The following ESR1 variants were observed in gnomAD, a reference collection of about 807,000 sequenced individuals.
ESR1 encodes estrogen receptor 1.
ESR1 carries 12 observed loss-of-function variants against 52.7 expected under a neutral mutation model. The observed-to-expected ratio is 0.23, with a 90% CI of 0.15 to 0.37. The LOEUF is 0.37. Ranked by LOEUF, ESR1 falls within the 10% of genes least tolerant of loss-of-function variation. The pLI is 1.00. For synonymous variants in ESR1, 305 were observed against 316.8 expected, an observed-to-expected ratio of 0.96 and a Z score of 0.39; for missense variants, 584 against 779.7, an observed-to-expected ratio of 0.75 and a Z score of 2.99.
At position 152,102,983 on chromosome 6, in the gene ESR1, T is replaced by G. The variant is rs1390857759; in HGVS notation, c.*4017T>G. The G allele has an allele frequency of 9.0e-6, 2 of 221,822 alleles. No homozygotes were observed. The highest frequency in any genetic ancestry group is 1.8e-5 in the Non-Finnish European group (2 of 110,678). 13.7% of individuals were successfully genotyped at this position (221,822 alleles called of 1,614,324 possible). A position where few individuals can be genotyped will look rare whatever the true frequency, so the allele number is the denominator to read the frequency against. ...ATAAGTGACATTATGCCAGTTTCTGTTCTCTCACAGGTGATAAACAATGCT... is the reference window on the plus strand; with the variant it reads ...ATAAGTGACATTATGCCAGTTTCTGGTCTCTCACAGGTGATAAACAATGCT... On this transcript the variant is annotated 3_prime_UTR_variant, in exon 8 of 8. Coordinates refer to ENST00000206249, the MANE Select transcript of ESR1 (RefSeq NM_000125.4).
chr6:151,753,105 G>T (rs1784020011), intron 2 of ESR1, among the ~76,000 whole-genome samples: 1 of 152,086 alleles, frequency 6.6e-6, no homozygotes, highest in Non-Finnish European at 1.5e-5. Flanking sequence ...TACACTGCTA[G>T]CCTGGTAACA....
chr6:152,015,310 C>T (rs1421615906), intron 5 of ESR1, among the ~76,000 whole-genome samples: 1 of 152,122 alleles, frequency 6.6e-6, no homozygotes, highest in Non-Finnish European at 1.5e-5. Flanking sequence ...TTTCAGGTGC[C>T]GTCTTTTTAT....
chr6:152,074,933 G>A (rs1472961933), intron 6 of ESR1, among the ~76,000 whole-genome samples: 4 of 152,126 alleles, frequency 2.6e-5, no homozygotes, highest in Non-Finnish European at 4.4e-5. Flanking sequence ...TTTTAATCAG[G>A]TTGTTTGCGT....
chr6:151,836,075 A>G (rs1047188021), intron 1 of ESR1, among the ~76,000 whole-genome samples: 3 of 152,178 alleles, frequency 2.0e-5, no homozygotes, highest in Admixed American at 6.6e-5. Context: ...TAGTAATTCA[A>G]ATGTGGAGTA....
intron 2 of ESR1, among the ~76,000 whole-genome samples, chr6:151,720,552 T>C (rs938580292): frequency 6.6e-6 from 1 of 152,234 alleles, no homozygotes; most frequent in African/African-American, 2.4e-5. Flanking sequence ...CATTAAAGCC[T>C]TTGGGAAATT....
intron 1 of ESR1, among the ~76,000 whole-genome samples, chr6:151,828,681 A>G (rs146717115): frequency 6.6e-6 from 1 of 152,122 alleles, no homozygotes; most frequent in African/African-American, 2.4e-5. Context: ...GCATGTCCAG[A>G]CTCCAAAACT....
intron 5 of ESR1, among the ~76,000 whole-genome samples, chr6:152,033,780 C>T (rs914374946): frequency 2.2e-4 from 34 of 152,094 alleles, no homozygotes; most frequent in African/African-American, 7.5e-4. Context: ...TTGACCCAGC[C>T]ATCCCATTAC....
intron 6 of ESR1, among the ~76,000 whole-genome samples, chr6:152,075,708 A>C (rs2048685614): frequency 6.6e-6 from 1 of 152,246 alleles, no homozygotes; most frequent in South Asian, 2.1e-4. Context: ...TATGACTCTC[A>C]TTTATTAGTG....
At chr6:152,028,105 T>C (rs927085514) in intron 5 of ESR1, among the ~76,000 whole-genome samples, 1 of 152,054 alleles carries the variant, frequency 6.6e-6, no homozygotes, top group African/African-American at 2.4e-5. Flanking sequence ...GATCACGCCA[T>C]TGCACTCCAG....
rs544845341 is a variant in ESR1 at position 152,123,074 on chromosome 6, C to T, written c.851-2192C>T. ...ATTTTTGTTTTAAGAATATCATGAA[C>T]ATTGTTAAGCAAAATTAGTTGCTGT... is the stretch of plus-strand genomic sequence containing the variant. On this transcript the variant is annotated intron_variant, in intron 6 of 6. Transcript: ENST00000427531. 5.3e-5 allele frequency among the ~76,000 whole-genome samples: 8 copies of T among 152,270 alleles called. No homozygotes were observed. The East Asian group carries it at 1.5e-3, about 29-fold the overall frequency.
At chr6:151,702,326 TA>T (rs1779860239) in intron 2 of ESR1, among the ~76,000 whole-genome samples, 1 of 152,212 alleles carries the variant, frequency 6.6e-6, no homozygotes, top group African/African-American at 2.4e-5. Flanking sequence ...CCACTCTAAG[TA>T]GGGAAAATCC....
intron 2 of ESR1, among the ~76,000 whole-genome samples, chr6:151,725,213 G>A (rs537977676): frequency 1.8e-4 from 28 of 152,166 alleles, no homozygotes; most frequent in Admixed American, 1.8e-3. Flanking sequence ...TTCCCCCCAG[G>A]GCGGTTTAGT....
intron 2 of ESR1, among the ~76,000 whole-genome samples, chr6:151,853,707 C>T (rs1233727909): frequency 6.6e-6 from 1 of 152,128 alleles, no homozygotes; most frequent in African/African-American, 2.4e-5. Flanking sequence ...TTTTTAATCG[C>T]TGGTGTTTTT....
chr6:151,686,081 T>C (rs1005203732), upstream of ESR1, among the ~76,000 whole-genome samples: 1 of 147,740 alleles, frequency 6.8e-6, no homozygotes, highest in Non-Finnish European at 1.5e-5. Context: ...TTTTTTTTTT[T>C]TTTTTTTATT....
rs1491216164 is a variant in ESR1 at position 151,850,047 on chromosome 6, T to TATATGCATATAAAATA, written c.643+7264_643+7265insGCATATAAAATAATAT. 5.1e-4 allele frequency among the ~76,000 whole-genome samples: 34 copies of TATATGCATATAAAATA among 66,090 alleles called. 2 individuals carry two copies. The highest frequency in any genetic ancestry group is 1.6e-3 in the South Asian group (4 of 2,484). 43.4% of individuals were successfully genotyped at this position (66,090 alleles called of 152,430 possible). A position where few individuals can be genotyped will look rare whatever the true frequency, so the allele number is the denominator to read the frequency against. On this transcript the variant is annotated intron_variant, in intron 2 of 7. Coordinates refer to ENST00000206249, the MANE Select transcript of ESR1 (RefSeq NM_000125.4). The stretch of plus-strand genomic sequence containing the variant: ...ACAAAATTATATATATATATAATTT[T>TATATGCATATAAAATA]ATATATATATAATTTTATATATATA...
chr6:151,718,994 C>T (rs761887909), intron 2 of ESR1, among the ~76,000 whole-genome samples: 55 of 152,284 alleles, frequency 3.6e-4, no homozygotes, highest in Middle Eastern at 6.8e-3. Context: ...CTTGGTAGTT[C>T]CTCATTCTTC....
chr6:152,124,033 A>C (rs6904980), intron 6 of ESR1, among the ~76,000 whole-genome samples: 11,583 of 152,260 alleles, frequency 0.076, 656 homozygotes, highest in African/African-American at 0.16. Flanking sequence ...TCAAAGAAAA[A>C]TGGGAGAGGG....
intron 5 of ESR1, among the ~76,000 whole-genome samples, chr6:152,033,378 C>A (rs1259802512): frequency 2.0e-5 from 3 of 152,116 alleles, no homozygotes; most frequent in Admixed American, 6.6e-5. Context: ...GGGAGAAAAT[C>A]TTTGCAATCT....
chr6:151,797,404 T>G (rs527988755), intron 2 of ESR1, among the ~76,000 whole-genome samples: 1 of 152,314 alleles, frequency 6.6e-6, no homozygotes, highest in African/African-American at 2.4e-5. Flanking sequence ...CCAATGGAAA[T>G]GGGACTGTTA....
Sources: allele counts gnomAD v4.1 joint callset (sites outside exome capture counted in the v4.1 genomes callset), GRCh38; gene constraint gnomAD v4.1.1; transcripts MANE v1.5; gene names NCBI Gene and HGNC (gene_info 2026-07-23, HGNC 2026-07-21).